Variants in STOX2 observed in about 807,000 individuals in gnomAD.
STOX2 encodes storkhead box 2.
In STOX2, 28 loss-of-function variants were observed where a neutral mutation model predicts 60.9. The observed-to-expected ratio is 0.46, with a 90% confidence interval of 0.34 to 0.63. The LOEUF (loss-of-function observed/expected upper bound fraction) is 0.63. STOX2 is among the 30% of genes least tolerant of loss of function. The pLI is 0.01. For missense variants in STOX2, 1,024 were observed against 1,187.7 expected, an observed-to-expected ratio of 0.86 and a Z score of 2.03; for synonymous variants, 472 against 463.9, an observed-to-expected ratio of 1.02 and a Z score of -0.22.
chr4:183,907,044 G>C (rs1741639605), intron 1 of STOX2, 88 bp downstream of exon 1: 6 of 1,128,974 alleles, frequency 5.3e-6, no homozygotes, highest in Non-Finnish European at 7.4e-6. Context: ...AGGAGAGGAC[G>C]GGCAGTGATG....
At chr4:183,870,498 C>A (rs1276799362) in intron 1 of STOX2, among the ~76,000 whole-genome samples, 3 of 152,212 alleles carry the variant, frequency 2.0e-5, no homozygotes, top group African/African-American at 7.2e-5. Context: ...CTGAACTACA[C>A]CATGAGTTGC....
intron 1 of STOX2, among the ~76,000 whole-genome samples, chr4:183,804,579 G>C (rs1738842793): frequency 6.6e-6 from 1 of 152,196 alleles, no homozygotes; most frequent in Middle Eastern, 3.2e-3. Context: ...CACTGGGTTG[G>C]GGTCGGCAGA....
chr4:183,914,928 G>A (rs1741887637), intron 1 of STOX2, among the ~76,000 whole-genome samples: 1 of 152,166 alleles, frequency 6.6e-6, no homozygotes, highest in South Asian at 2.1e-4. Flanking sequence ...ATATGTTTTT[G>A]ATGTCTATAG....
intron 1 of STOX2, among the ~76,000 whole-genome samples, chr4:183,943,144 C>G (rs527945624): frequency 1.8e-4 from 28 of 152,254 alleles, no homozygotes; most frequent in African/African-American, 6.5e-4. Context: ...TATATTTAGT[C>G]ATTTAATTCT....
At chr4:183,982,553 G>T (rs915865267) in intron 1 of STOX2, among the ~76,000 whole-genome samples, 6 of 152,106 alleles carry the variant, frequency 3.9e-5, no homozygotes, top group Non-Finnish European at 8.8e-5. Context: ...GGTGCCCAGG[G>T]TTTTTGTTTA....
rs1446223902 is a variant in STOX2, at chr4:183,865,931, A to T, written c.364+67876A>T. Among the ~76,000 whole-genome samples, 1 of 152,148 alleles carries T rather than the reference A, an allele frequency of 6.6e-6. No individual in the cohort carries two copies. Among genetic ancestry groups the T allele is most frequent in the Non-Finnish European group, 1.5e-5 (1 of 68,032 alleles). ...TAAGCTGATGAGTGGCGTGATAAAG[A>T]TTAGGCTTTAGGAAAAATGGAAGAC... On this transcript the variant is annotated intron_variant, in intron 1 of 2. Transcript: ENST00000513034. The surrounding 1 kb of genome is among the most constrained non-coding windows in gnomAD (Gnocchi z 4.1).
intron 1 of STOX2, among the ~76,000 whole-genome samples, chr4:184,000,225 C>T (rs1733526972): frequency 6.6e-6 from 1 of 152,144 alleles, no homozygotes; most frequent in Non-Finnish European, 1.5e-5. Context: ...TTCTAGGGAT[C>T]CTTGGAGCAT....
At chr4:183,978,722 A>G (rs997016544) in intron 1 of STOX2, among the ~76,000 whole-genome samples, 1 of 152,232 alleles carries the variant, frequency 6.6e-6, no homozygotes, top group Non-Finnish European at 1.5e-5. Flanking sequence ...TACATGCTAT[A>G]TGATTCCATT....
chr4:183,816,504 G>C (rs1291534312), intron 1 of STOX2, among the ~76,000 whole-genome samples: 1 of 152,198 alleles, frequency 6.6e-6, no homozygotes, highest in Non-Finnish European at 1.5e-5. Flanking sequence ...TAAAAGGAGG[G>C]AGGAGGAGGG....
intron 1 of STOX2, among the ~76,000 whole-genome samples, chr4:183,933,846 A>C (rs1742510837): frequency 6.6e-6 from 1 of 152,212 alleles, no homozygotes; most frequent in South Asian, 2.1e-4. Flanking sequence ...AGTATTTAAG[A>C]TGTGTTAGGG....
chr4:183,876,436 G>C (rs1041971714), intron 1 of STOX2, among the ~76,000 whole-genome samples: 1 of 152,236 alleles, frequency 6.6e-6, no homozygotes, highest in Non-Finnish European at 1.5e-5. Context: ...AGTGGATGAC[G>C]TAAGTGGATG....
At chr4:183,894,059 C>T (rs916365741) in intron 1 of STOX2, among the ~76,000 whole-genome samples, 7 of 152,136 alleles carry the variant, frequency 4.6e-5, no homozygotes, top group Non-Finnish European at 5.9e-5. Context: ...GGCTGAGGCA[C>T]GAGGATCACT....
rs11941468 is a variant in STOX2 at position 184,013,669 on chromosome 4, G to A, written c.2585+2246G>A. ...ACTGAGTTGTCTCGCTGATCCAGGA[G>A]TAATGTTCTGCAAAGGAAAGTATTT... On this transcript the variant is annotated intron_variant, in intron 3 of 3. Transcript: ENST00000308497. Among the ~76,000 whole-genome samples, 351 of 152,342 alleles carry A rather than the reference G, an allele frequency of 2.3e-3. 3 individuals carry two copies. Among genetic ancestry groups the A allele is most frequent in the African/African-American group, 8.0e-3 (332 of 41,574 alleles).
At chr4:184,004,673 A>T (rs1733752085) in intron 2 of STOX2, among the ~76,000 whole-genome samples, 1 of 152,270 alleles carries the variant, frequency 6.6e-6, no homozygotes, top group African/African-American at 2.4e-5. Flanking sequence ...TAAAAGTGAG[A>T]AAAACAAGTT....
chr4:183,927,269 C>A (rs1410327479), intron 1 of STOX2, among the ~76,000 whole-genome samples: 1 of 152,220 alleles, frequency 6.6e-6, no homozygotes, highest in Non-Finnish European at 1.5e-5. Flanking sequence ...GGCCCCCATG[C>A]CTGGCCTCTG....
Position 184,018,735 on chromosome 4 carries a change from C to T in STOX2, c.*1451C>T, listed in dbSNP as rs1037426917. On this transcript the variant is annotated 3_prime_UTR_variant, in exon 4 of 4. Transcript: ENST00000308497. ...GAAGACCCAGCAGCAAAGGGATGAC[C>T]AATAATTTCATCTTATAGCAAGGAG... 1.3e-5 allele frequency: 2 copies of T among 152,226 alleles called. No homozygotes were observed. The highest frequency in any genetic ancestry group is 3.4e-3 in the Middle Eastern group (1 of 294). The allele number at this position is 152,226 out of a possible 1,614,324, so 9.4% of individuals were successfully genotyped here. A position where few individuals can be genotyped will look rare whatever the true frequency, so the allele number is the denominator to read the frequency against.
chr4:183,896,191 T>C (rs530698407), intron 1 of STOX2, among the ~76,000 whole-genome samples: 1 of 152,314 alleles, frequency 6.6e-6, no homozygotes, highest in Admixed American at 6.5e-5. Flanking sequence ...ATAGTGATCT[T>C]TTAGGTAGAA....
rs545664611 is a variant in STOX2 at position 184,017,616 on chromosome 4, TA to T, written c.*336del. ...TGTCATGCAGTTGCCAATTCCATTT[TA>T]AAATGCCACAGATGCGTGTTGCTCC... On this transcript the variant is annotated 3_prime_UTR_variant, in exon 4 of 4. Coordinates refer to ENST00000308497, the MANE Select transcript of STOX2 (RefSeq NM_020225.3). 31 of 162,994 alleles carry T rather than the reference TA, an allele frequency of 1.9e-4. 1 individual carries two copies. In the South Asian group the frequency reaches 5.2e-3, roughly 27 times the overall value. 10.1% of individuals were successfully genotyped at this position (162,994 alleles called of 1,614,324 possible). A position where few individuals can be genotyped will look rare whatever the true frequency, so the allele number is the denominator to read the frequency against.
At chr4:183,939,875 G>T (rs1422569489) in intron 1 of STOX2, among the ~76,000 whole-genome samples, 5 of 152,156 alleles carry the variant, frequency 3.3e-5, no homozygotes, top group Non-Finnish European at 7.4e-5. Flanking sequence ...CATCAGGAGT[G>T]ATCATAGTTA....
Sources: gnomAD v4.1 joint callset for allele counts (sites outside exome capture counted in the v4.1 genomes callset) on GRCh38, gnomAD v4.1.1 for gene constraint, Gnocchi (gnomAD v3.1) non-coding constraint, MANE v1.5 for transcripts, NCBI Gene and HGNC (gene_info 2026-07-23, HGNC 2026-07-21) for gene names.